The following ZBTB2 variants were observed in gnomAD, a reference collection of about 807,000 sequenced individuals.
The protein encoded by ZBTB2 is zinc finger and BTB domain-containing protein 2.
In ZBTB2, 2 loss-of-function variants were observed where a neutral mutation model predicts 39.5. The observed-to-expected ratio is 0.05, with a 90% CI of 0.02 to 0.16. The LOEUF (loss-of-function observed/expected upper bound fraction) is 0.16, where lower values mean the gene tolerates loss of function less well. Among genes scored for constraint, ZBTB2 ranks in the 10% least tolerant of loss-of-function variants. The pLI is 1.00. For synonymous variants in ZBTB2, 251 were observed against 256.6 expected (o/e 0.98, Z 0.21); for missense variants, 391 against 653.0 (o/e 0.60, Z 4.37).
intron 2 of ZBTB2, 100 bp downstream of exon 2, chr6:151,373,365 A>C: frequency 7.7e-7 from 1 of 1,304,000 alleles, no homozygotes; most frequent in East Asian, 2.3e-5. Context: ...GTCACCTAGG[A>C]GCTAGGAGAC....
intron 2 of ZBTB2, among the ~76,000 whole-genome samples, chr6:151,373,154 C>CAAAAAAAA (rs58019601): frequency 3.6e-5 from 1 of 27,852 alleles, no homozygotes; most frequent in African/African-American, 1.2e-4. Flanking sequence ...GACTCCGTCT[C>CAAAAAAAA]AAAAAAAAAA....
At chr6:151,377,523 C>G (rs1004684758) in intron 1 of ZBTB2, among the ~76,000 whole-genome samples, 1 of 147,248 alleles carries the variant, frequency 6.8e-6, no homozygotes, top group Admixed American at 6.7e-5. Flanking sequence ...TGCCCGCGAC[C>G]ATGTCTGGCT....
intron 1 of ZBTB2, among the ~76,000 whole-genome samples, chr6:151,374,038 T>A (rs1778848485): frequency 6.6e-6 from 1 of 152,102 alleles, no homozygotes; most frequent in Admixed American, 6.5e-5. Flanking sequence ...GTCTTTTAGT[T>A]TAAAATTCCA....
At chr6:151,390,256 C>A (rs1423833834) in intron 1 of ZBTB2, among the ~76,000 whole-genome samples, 2 of 149,968 alleles carry the variant, frequency 1.3e-5, no homozygotes, top group Non-Finnish European at 3.0e-5. Context: ...CTGAGCGCGC[C>A]GCAACAGCCA....
intron 1 of ZBTB2, among the ~76,000 whole-genome samples, chr6:151,388,298 G>A (rs540345424): frequency 6.6e-6 from 1 of 152,302 alleles, no homozygotes; most frequent in East Asian, 1.9e-4. Context: ...GTTCCTACAG[G>A]GAAAGGTGAG....
At chr6:151,372,952 A>G (rs1778816466) in intron 2 of ZBTB2, among the ~76,000 whole-genome samples, 1 of 151,952 alleles carries the variant, frequency 6.6e-6, no homozygotes, top group Admixed American at 6.6e-5. Context: ...CAGGAGATCG[A>G]GACCGTCCTG....
chr6:151,371,483 C>G (rs1226004726), intron 2 of ZBTB2, among the ~76,000 whole-genome samples: 2 of 152,140 alleles, frequency 1.3e-5, no homozygotes, highest in Non-Finnish European at 2.9e-5. Flanking sequence ...CCTGCATGAG[C>G]TGGGACTCAG....
intron 1 of ZBTB2, among the ~76,000 whole-genome samples, chr6:151,384,441 G>C (rs1779108127): frequency 6.6e-6 from 1 of 152,192 alleles, no homozygotes; most frequent in Non-Finnish European, 1.5e-5. Flanking sequence ...GTCTACAAAA[G>C]AGATGATGGA....
At chr6:151,388,814 ATT>A (rs1176106754) in intron 1 of ZBTB2, among the ~76,000 whole-genome samples, 1 of 152,230 alleles carries the variant, frequency 6.6e-6, no homozygotes, top group Non-Finnish European at 1.5e-5. Flanking sequence ...ATTAGCGTTT[ATT>A]CTCTGCTGCT....
chr6:151,384,605 G>T (rs984788114), intron 1 of ZBTB2, among the ~76,000 whole-genome samples: 1 of 152,180 alleles, frequency 6.6e-6, no homozygotes, highest in Non-Finnish European at 1.5e-5. Flanking sequence ...TTGTATAACC[G>T]CATAGATCTT....
At chr6:151,383,657 G>A (rs1481970796) in intron 1 of ZBTB2, among the ~76,000 whole-genome samples, 1 of 152,116 alleles carries the variant, frequency 6.6e-6, no homozygotes, top group South Asian at 2.1e-4. Context: ...ACTCTAAAGG[G>A]TTAGGGGAGA....
chr6:151,391,036 A>T (rs1160074378), intron 1 of ZBTB2, among the ~76,000 whole-genome samples: 15 of 29,526 alleles, frequency 5.1e-4, no homozygotes, highest in Non-Finnish European at 1.3e-4. Flanking sequence ...CCTCCCTCCG[A>T]TCCGCCGCCC....
At chr6:151,389,018 T>A (rs554580752) in intron 1 of ZBTB2, among the ~76,000 whole-genome samples, 14 of 152,336 alleles carry the variant, frequency 9.2e-5, no homozygotes, top group African/African-American at 3.4e-4. Flanking sequence ...TTACGATGGC[T>A]TCAATAACTG....
At position 151,390,299 on chromosome 6, in the gene ZBTB2, G is replaced by A. The variant is rs1379476967; in HGVS notation, c.-13+1121C>T. Among the ~76,000 whole-genome samples the A allele has an allele frequency of 3.5e-5, 5 of 144,526 alleles. No homozygotes were observed. The East Asian group carries it at 1.1e-3, about 31-fold the overall frequency. The allele number at this position is 144,526 out of a possible 152,430, so 94.8% of individuals were successfully genotyped here. A position where few individuals can be genotyped will look rare whatever the true frequency, so the allele number is the denominator to read the frequency against. ...CCACCCGCCCCGGGGCGGGGCCGGG[G>A]GCGCGGCGCCGGGGCCCTCTGGCCC... On this transcript the variant is annotated intron_variant, in intron 1 of 2. Coordinates refer to ENST00000325144, the MANE Select transcript of ZBTB2 (RefSeq NM_020861.3).
At chr6:151,384,919 C>T (rs577192940) in intron 1 of ZBTB2, among the ~76,000 whole-genome samples, 47 of 152,304 alleles carry the variant, frequency 3.1e-4, no homozygotes, top group African/African-American at 1.1e-3. Context: ...CACTCTACTA[C>T]CTTGCCCTAC....
At position 151,365,621 on chromosome 6, in the gene ZBTB2, C is replaced by A; in HGVS notation, c.1445G>T (p.Arg482Leu). 2 of 1,614,196 alleles carry A rather than the reference C, an allele frequency of 1.2e-6. No individual in the cohort carries two copies. The highest frequency in any genetic ancestry group is 1.7e-6 in the Non-Finnish European group (2 of 1,180,038). Residue 482 changes from arginine (R) to leucine (L), a missense_variant, in exon 3 of 3, where the codon CGA becomes CTA. By Grantham distance (102) the Arg-to-Leu change is moderately radical. Around this residue, in one of 7 missense-constraint regions of ZBTB2, gnomAD observed 49 missense variants for 55.6 expected, o/e 0.88. Coordinates refer to ENST00000325144, the MANE Select transcript of ZBTB2 (RefSeq NM_020861.3). This position sits in a 1 kb window ranked among gnomAD's most constrained non-coding sequence, Gnocchi z 5.6. ...NSDVFALDEG[R>L]SILLGSGDSE... Reference sequence around the variant, plus strand: ...GTCCCCACTGCCCAGGAGAATGGATCGCCCTTCGTCTAGGGCAAAAACATC... The same window carrying A: ...GTCCCCACTGCCCAGGAGAATGGATAGCCCTTCGTCTAGGGCAAAAACATC...
rs1478897029 is a variant in ZBTB2, at chr6:151,364,572, C to G, written c.*949G>C. On this transcript the variant is annotated 3_prime_UTR_variant, in exon 3 of 3. Coordinates refer to ENST00000325144, the MANE Select transcript of ZBTB2 (RefSeq NM_020861.3). ...TTGAAGTTACTACATCTTCTGGTCACAAATTCCCCTGTAAGATGAGTATTC... is the reference window on the plus strand; with the variant it reads ...TTGAAGTTACTACATCTTCTGGTCAGAAATTCCCCTGTAAGATGAGTATTC... 2.0e-5 allele frequency: 3 copies of G among 152,232 alleles called. No homozygotes were observed. Among genetic ancestry groups the G allele is most frequent in the Admixed American group, 1.3e-4 (2 of 15,290 alleles). The allele number at this position is 152,232 out of a possible 1,614,324, so 9.4% of individuals were successfully genotyped here. A position where few individuals can be genotyped will look rare whatever the true frequency, so the allele number is the denominator to read the frequency against.
chr6:151,366,107 A>G lies in ZBTB2; in HGVS notation c.959T>C (p.Leu320Pro), dbSNP rs369110231. The G allele has an allele frequency of 5.0e-6, 8 of 1,614,156 alleles. No homozygotes were observed. In the South Asian group the frequency reaches 5.5e-5, roughly 11 times the overall value. ...GATGGGAGAATCAGAGATGTGCTGCAGCTCACTGTCACTTATCATCCCGGC... is the reference window on the plus strand; with the variant it reads ...GATGGGAGAATCAGAGATGTGCTGCGGCTCACTGTCACTTATCATCCCGGC... Reference protein sequence around the residue: ...PEAGMISDSELQHISDSPIID... With the variant: ...PEAGMISDSEPQHISDSPIID... Residue 320 changes from leucine to proline, a missense_variant, in exon 3 of 3, where the codon CTG becomes CCG. Around this residue, in one of 7 missense-constraint regions of ZBTB2, gnomAD observed 80 missense variants for 125.2 expected, o/e 0.64. Coordinates refer to ENST00000325144, the MANE Select transcript of ZBTB2 (RefSeq NM_020861.3). This position sits in a 1 kb window ranked among gnomAD's most constrained non-coding sequence, Gnocchi z 7.1.
At chr6:151,384,019 T>C (rs1183103837) in intron 1 of ZBTB2, among the ~76,000 whole-genome samples, 1 of 152,184 alleles carries the variant, frequency 6.6e-6, no homozygotes, top group Non-Finnish European at 1.5e-5. Context: ...CTCAGCCTCT[T>C]ACCAGCTGGG....
Sources: allele counts gnomAD v4.1 joint callset (sites outside exome capture counted in the v4.1 genomes callset), GRCh38; gene constraint gnomAD v4.1.1; regional missense constraint gnomAD v4.1.1; non-coding constraint Gnocchi (gnomAD v3.1); transcripts MANE v1.5; gene names NCBI Gene and HGNC (gene_info 2026-07-23, HGNC 2026-07-21).